Variants in HS6ST3 observed in about 807,000 individuals in gnomAD.
HS6ST3 encodes heparan sulfate 6-O-sulfotransferase 3.
A neutral mutation model predicts 36.7 loss-of-function variants in HS6ST3; 12 were observed. The ratio of observed to expected loss-of-function variants is 0.33; its 90% CI spans 0.21 to 0.53. The LOEUF (loss-of-function observed/expected upper bound fraction) is 0.53, where lower values mean the gene tolerates loss of function less well. Among genes scored for constraint, HS6ST3 ranks in the 20% least tolerant of loss-of-function variants. The pLI is 0.95. For missense variants in HS6ST3, 584 were observed against 640.9 expected (o/e 0.91, Z 0.96); for synonymous variants, 240 against 257.5 (o/e 0.93, Z 0.65).
rs532589957 is a variant in HS6ST3, at chr13:96,338,654, A to G, written c.707+247085A>G. ...TGGGGTTTTGGGTTACGGAATCTCT[A>G]GCTTCAGGACTTCCTCCTGCCAGCT... is the stretch of plus-strand genomic sequence containing the variant. On this transcript the variant is annotated intron_variant, in intron 1 of 1. Transcript: ENST00000376705. 2.0e-5 allele frequency among the ~76,000 whole-genome samples: 3 copies of G among 152,236 alleles called. No homozygotes were observed. In the South Asian group the frequency reaches 6.2e-4, roughly 32 times the overall value.
chr13:96,834,276 C>T lies in HS6ST3; in HGVS notation c.*1078C>T, dbSNP rs983945737. 6.6e-6 allele frequency: 1 copy of T among 152,148 alleles called. No individual in the cohort carries two copies. Among genetic ancestry groups the T allele is most frequent in the African/African-American group, 2.4e-5 (1 of 41,434 alleles). The allele number at this position is 152,148 out of a possible 1,614,324, so 9.4% of individuals were successfully genotyped here. Reference sequence around the variant, plus strand: ...TTTGAGGTTACTAAATGAATAAAAACTCGGAATTAGGCCAGGAGACATGGA... The same window carrying T: ...TTTGAGGTTACTAAATGAATAAAAATTCGGAATTAGGCCAGGAGACATGGA... On this transcript the variant is annotated 3_prime_UTR_variant, in exon 2 of 2. Transcript: ENST00000376705.
intron 1 of HS6ST3, among the ~76,000 whole-genome samples, chr13:96,755,615 G>T (rs568535462): frequency 6.6e-6 from 1 of 152,182 alleles, no homozygotes; most frequent in African/African-American, 2.4e-5. Context: ...CACCTGCTTT[G>T]GCCTCCCAAA....
chr13:96,712,491 C>A (rs1350347521), intron 1 of HS6ST3, among the ~76,000 whole-genome samples: 1 of 152,060 alleles, frequency 6.6e-6, no homozygotes, highest in Non-Finnish European at 1.5e-5. Flanking sequence ...AGCATAGGGT[C>A]TCTATTATTC....
intron 1 of HS6ST3, among the ~76,000 whole-genome samples, chr13:96,364,694 T>G (rs1279949820): frequency 6.6e-6 from 1 of 152,202 alleles, no homozygotes; most frequent in Non-Finnish European, 1.5e-5. Context: ...TGGTGATGGT[T>G]GCATAATGTT....
intron 1 of HS6ST3, among the ~76,000 whole-genome samples, chr13:96,205,389 A>G (rs957239094): frequency 7.9e-5 from 12 of 152,182 alleles, no homozygotes; most frequent in African/African-American, 2.9e-4. Context: ...GCTGAATTCT[A>G]CCAGACGTAC....
intron 1 of HS6ST3, among the ~76,000 whole-genome samples, chr13:96,111,045 A>C (rs559478322): frequency 1.3e-5 from 2 of 152,328 alleles, no homozygotes; most frequent in South Asian, 4.1e-4. Flanking sequence ...TATTAAAAAT[A>C]TTAGAAGTAC....
intron 1 of HS6ST3, among the ~76,000 whole-genome samples, chr13:96,137,558 C>G (rs549330169): frequency 6.6e-6 from 1 of 151,924 alleles, no homozygotes; most frequent in Non-Finnish European, 1.5e-5. Context: ...CTCAGCTTCC[C>G]GAGTAGCTGG....
chr13:96,272,208 C>T (rs557660892), intron 1 of HS6ST3, among the ~76,000 whole-genome samples: 1 of 152,030 alleles, frequency 6.6e-6, no homozygotes, highest in South Asian at 2.1e-4. Context: ...GTATAACTTG[C>T]TTGGAATTCA....
chr13:96,482,520 T>TG (rs1210678368), intron 1 of HS6ST3, among the ~76,000 whole-genome samples: 1 of 152,034 alleles, frequency 6.6e-6, no homozygotes, highest in Non-Finnish European at 1.5e-5. Context: ...AGGGACTAAC[T>TG]TTTTATCTGG....
chr13:96,508,177 G>T (rs555445368), intron 1 of HS6ST3, among the ~76,000 whole-genome samples: 1 of 151,882 alleles, frequency 6.6e-6, no homozygotes, highest in African/African-American at 2.4e-5. Context: ...CTCAAATTTC[G>T]CAGGGTAATA....
chr13:96,708,717 GA>G (rs1369722828), intron 1 of HS6ST3, among the ~76,000 whole-genome samples: 1 of 152,144 alleles, frequency 6.6e-6, no homozygotes, highest in African/African-American at 2.4e-5. Context: ...ACTGAACTGG[GA>G]GATTCAGTTC....
chr13:96,641,980 C>T (rs2056571830), intron 1 of HS6ST3, among the ~76,000 whole-genome samples: 1 of 149,722 alleles, frequency 6.7e-6, no homozygotes, highest in African/African-American at 2.5e-5. Flanking sequence ...GTTAGATTTA[C>T]CAGTTCTCTT....
chr13:96,544,746 G>A (rs946395487), intron 1 of HS6ST3, among the ~76,000 whole-genome samples: 28 of 152,048 alleles, frequency 1.8e-4, no homozygotes, highest in African/African-American at 6.3e-4. Flanking sequence ...ATCACCTTCC[G>A]AAGTGCCGTC....
chr13:96,618,478 C>A (rs1431655327), intron 1 of HS6ST3, among the ~76,000 whole-genome samples: 1 of 152,098 alleles, frequency 6.6e-6, no homozygotes, highest in Non-Finnish European at 1.5e-5. Context: ...AAAACAAGAA[C>A]CAGGGTTGCT....
chr13:96,125,114 T>G (rs1358925779), intron 1 of HS6ST3, among the ~76,000 whole-genome samples: 1 of 152,206 alleles, frequency 6.6e-6, no homozygotes, highest in Non-Finnish European at 1.5e-5. Context: ...ATTTCTAATT[T>G]ATGTTGTACA....
chr13:96,519,128 G>T (rs2056083704), intron 1 of HS6ST3, among the ~76,000 whole-genome samples: 1 of 152,128 alleles, frequency 6.6e-6, no homozygotes, highest in African/African-American at 2.4e-5. Flanking sequence ...CATTCTCTTT[G>T]CTTTCAGAAG....
At chr13:96,542,493 A>G (rs1400092632) in intron 1 of HS6ST3, among the ~76,000 whole-genome samples, 1 of 152,188 alleles carries the variant, frequency 6.6e-6, no homozygotes, top group African/African-American at 2.4e-5. Flanking sequence ...CACGCTTTCA[A>G]GGGTCCACCT....
chr13:96,671,551 G>A (rs1426467967), intron 1 of HS6ST3, among the ~76,000 whole-genome samples: 4 of 152,092 alleles, frequency 2.6e-5, no homozygotes, highest in Non-Finnish European at 4.4e-5. Flanking sequence ...TTTTCTCACA[G>A]CTTTGGAGGC....
At chr13:96,410,090 G>A (rs142212585) in intron 1 of HS6ST3, among the ~76,000 whole-genome samples, 242 of 152,076 alleles carry the variant, frequency 1.6e-3, no homozygotes, top group Admixed American at 2.0e-3. Flanking sequence ...ATATAAAATC[G>A]TGAAAGGAAC....
Sources: allele counts gnomAD v4.1 joint callset (sites outside exome capture counted in the v4.1 genomes callset), GRCh38; gene constraint gnomAD v4.1.1; transcripts MANE v1.5; gene names NCBI Gene and HGNC (gene_info 2026-07-23, HGNC 2026-07-21).